The following CDC42SE2 variants were observed in gnomAD, a reference collection of about 807,000 sequenced individuals.
The protein encoded by CDC42SE2 is CDC42 small effector 2.
A neutral mutation model predicts 11.5 loss-of-function variants in CDC42SE2; 3 were observed. The ratio of observed to expected loss-of-function variants is 0.26; its 90% CI spans 0.12 to 0.67. CDC42SE2 has a LOEUF of 0.67. CDC42SE2 is among the 30% of genes least tolerant of loss of function. CDC42SE2 has a pLI of 0.80. For synonymous variants in CDC42SE2, 33 were observed against 34.8 expected (o/e 0.95, Z 0.18); for missense variants, 82 against 106.8 (o/e 0.77, Z 1.02).
intron 1 of CDC42SE2, among the ~76,000 whole-genome samples, chr5:131,278,712 CT>C (rs1401839366): frequency 4.2e-4 from 18 of 42,376 alleles, no homozygotes; most frequent in East Asian, 7.9e-4. Flanking sequence ...TTCCTTTCCT[CT>C]CCCCTCCCCT....
At chr5:131,214,075 A>G in the CDC42SE2 span, among the ~76,000 whole-genome samples, 1 of 152,254 alleles carries the variant, frequency 6.6e-6, no homozygotes, top group Non-Finnish European at 1.5e-5. Context: ...TAGCAACTAA[A>G]TACAGTGTTT....
intron 1 of CDC42SE2, among the ~76,000 whole-genome samples, chr5:131,268,054 CTTTTTTTTT>C (rs148354795): frequency 1.5e-4 from 10 of 65,476 alleles, no homozygotes; most frequent in Non-Finnish European, 2.8e-4. Context: ...CATGCTTATT[CTTTTTTTTT>C]TTTTTTTTTT....
the CDC42SE2 span, among the ~76,000 whole-genome samples, chr5:131,223,380 G>T: frequency 6.7e-6 from 1 of 149,308 alleles, no homozygotes; most frequent in African/African-American, 2.6e-5. Flanking sequence ...GAAGATGTCT[G>T]GGGGGGCACA....
At chr5:131,221,649 T>C in the CDC42SE2 span, among the ~76,000 whole-genome samples, 2 of 152,310 alleles carry the variant, frequency 1.3e-5, no homozygotes, top group South Asian at 4.1e-4. Flanking sequence ...TTCTTTTTTT[T>C]CCAAAAAGTT....
intron 1 of CDC42SE2, among the ~76,000 whole-genome samples, chr5:131,254,836 T>G (rs1756667810): frequency 1.3e-5 from 2 of 152,214 alleles, no homozygotes. Context: ...GATTTTTGTT[T>G]TAACCTAGTT....
chr5:131,345,937 A>G (rs561014540), intron 2 of CDC42SE2, among the ~76,000 whole-genome samples: 1 of 152,212 alleles, frequency 6.6e-6, no homozygotes, highest in Non-Finnish European at 1.5e-5. Flanking sequence ...TCCTTTACAG[A>G]CAAGCAAATG....
chr5:131,321,716 T>TC (rs1407784825), intron 2 of CDC42SE2, among the ~76,000 whole-genome samples: 1 of 151,682 alleles, frequency 6.6e-6, no homozygotes, highest in African/African-American at 2.4e-5. Context: ...TAATTCTATC[T>TC]TCCCCCCCGC....
chr5:131,335,094 G>A (rs568874459), intron 2 of CDC42SE2, among the ~76,000 whole-genome samples: 2 of 152,192 alleles, frequency 1.3e-5, no homozygotes, highest in South Asian at 4.2e-4. Flanking sequence ...GCTTTCTCTT[G>A]TGGGCATTTA....
At chr5:131,300,859 A>G (rs1757663554) in intron 1 of CDC42SE2, among the ~76,000 whole-genome samples, 1 of 152,204 alleles carries the variant, frequency 6.6e-6, no homozygotes, top group East Asian at 1.9e-4. Context: ...ATGAATGGTC[A>G]TTCTAGTTAT....
At chr5:131,313,234 G>C (rs551254666) in intron 1 of CDC42SE2, among the ~76,000 whole-genome samples, 1 of 151,840 alleles carries the variant, frequency 6.6e-6, no homozygotes, top group Non-Finnish European at 1.5e-5. Flanking sequence ...TGCCTGCCTC[G>C]GCCTCCCAAA....
intron 2 of CDC42SE2, among the ~76,000 whole-genome samples, chr5:131,317,667 A>C (rs548537347): frequency 6.0e-5 from 9 of 150,536 alleles, no homozygotes; most frequent in Non-Finnish European, 1.3e-4. Flanking sequence ...GTTTCTTTCT[A>C]TCTTTTCTTT....
At chr5:131,249,314 G>A (rs1282627540) in intron 1 of CDC42SE2, among the ~76,000 whole-genome samples, 2 of 152,030 alleles carry the variant, frequency 1.3e-5, no homozygotes, top group African/African-American at 2.4e-5. Context: ...CACCACGACC[G>A]GCCAGGTTAT....
chr5:131,300,777 C>T (rs771184789), intron 1 of CDC42SE2, among the ~76,000 whole-genome samples: 113 of 144,708 alleles, frequency 7.8e-4, no homozygotes, highest in Non-Finnish European at 1.2e-3. Flanking sequence ...AGCGAGACTC[C>T]GTCTCAAAAA....
chr5:131,333,901 A>G (rs1407746812), intron 2 of CDC42SE2, among the ~76,000 whole-genome samples: 3 of 152,226 alleles, frequency 2.0e-5, no homozygotes, highest in South Asian at 2.1e-4. Flanking sequence ...CAATCATGTC[A>G]TCTGCAAACA....
intron 4 of CDC42SE2, among the ~76,000 whole-genome samples, chr5:131,387,560 A>T (rs891637807): frequency 1.3e-5 from 2 of 152,152 alleles, no homozygotes; most frequent in Non-Finnish European, 2.9e-5. Flanking sequence ...TTAAAAAAAT[A>T]AATCCAACCG....
chr5:131,338,111 A>G (rs1580764062), intron 2 of CDC42SE2, among the ~76,000 whole-genome samples: 1 of 152,146 alleles, frequency 6.6e-6, no homozygotes, highest in African/African-American at 2.4e-5. Context: ...CCCTTCATGA[A>G]CATTTTTTAA....
chr5:131,264,286 CGGCCTTGCCAGCCGCGCGCTGCGGGCT>C (rs1481839744), intron 1 of CDC42SE2, 120 bp downstream of exon 1: 1 of 152,254 alleles, frequency 6.6e-6, no homozygotes, highest in African/African-American at 2.4e-5. Context: ...GAGCGCGGCC[CGGCCTTGCCAGCCGCGCGCTGCGGGCT>C]GTGGGCTGAG....
At chr5:131,298,090 T>C (rs1337400800) in intron 1 of CDC42SE2, among the ~76,000 whole-genome samples, 1 of 152,022 alleles carries the variant, frequency 6.6e-6, no homozygotes, top group East Asian at 1.9e-4. Flanking sequence ...TTCATTCAGC[T>C]GCTGTCTAGT....
chr5:131,345,269 C>T (rs879314530), intron 2 of CDC42SE2, among the ~76,000 whole-genome samples: 2 of 151,962 alleles, frequency 1.3e-5, no homozygotes, highest in Admixed American at 6.6e-5. Flanking sequence ...AAAGATGAGA[C>T]GAATGGCTAA....
Sources: allele counts gnomAD v4.1 joint callset (sites outside exome capture counted in the v4.1 genomes callset), GRCh38; gene constraint gnomAD v4.1.1; transcripts MANE v1.5; gene names NCBI Gene and HGNC (gene_info 2026-07-23, HGNC 2026-07-21).